Variants in SPACA3 observed in about 807,000 individuals in gnomAD.
The protein encoded by SPACA3 is sperm acrosome membrane-associated protein 3.
SPACA3 carries 21 observed loss-of-function variants against 24.5 expected under a neutral mutation model. The ratio of observed to expected loss-of-function variants is 0.86; its 90% CI spans 0.61 to 1.24. The LOEUF (loss-of-function observed/expected upper bound fraction) is 1.24, where lower values mean the gene tolerates loss of function less well. Among genes scored for constraint, SPACA3 ranks in the 50% most tolerant of loss-of-function variants. The pLI is 0.00. For synonymous variants in SPACA3, 115 were observed against 106.9 expected, an observed-to-expected ratio of 1.08 and a Z score of -0.47; for missense variants, 278 against 275.5, an observed-to-expected ratio of 1.01 and a Z score of -0.06.
At chr17:32,996,697 C>A in intron 2 of SPACA3, 146 bp from the exon 3 acceptor site, 10 of 720,268 alleles carry the variant, frequency 1.4e-5, no homozygotes, top group Non-Finnish European at 1.8e-5. Flanking sequence ...GATTGGTTTG[C>A]AAAGCAGGTG....
chr17:32,994,317 T>C (rs887141083), intron 1 of SPACA3, among the ~76,000 whole-genome samples: 6 of 152,140 alleles, frequency 3.9e-5, no homozygotes, highest in African/African-American at 1.4e-4. Flanking sequence ...ATGAGGCAGG[T>C]GTTACTCACG....
chr17:32,994,461 G>A (rs767787995), intron 1 of SPACA3, among the ~76,000 whole-genome samples: 3 of 152,162 alleles, frequency 2.0e-5, no homozygotes, highest in Non-Finnish European at 4.4e-5. Flanking sequence ...ATCCTCGGGG[G>A]CATTCAAGGT....
chr17:32,992,100 C>T (rs1284482229), intron 1 of SPACA3, 128 bp downstream of exon 1: 4 of 877,836 alleles, frequency 4.6e-6, no homozygotes, highest in Middle Eastern at 2.2e-4. Flanking sequence ...GAGTGACCAG[C>T]TGAGAGAGGA....
chr17:32,996,837 A>T lies in SPACA3; in HGVS notation c.344-6A>T. On this transcript the variant is annotated splice_polypyrimidine_tract_variant and splice_region_variant and intron_variant, in intron 2 of 4. Coordinates refer to ENST00000269053, the MANE Select transcript of SPACA3 (RefSeq NM_173847.5). ...GACCCCCAGGCCTATGCTCTGCCCT[A>T]TGCAGGGGTCTGCCTTGCTTATTTC... is the stretch of plus-strand genomic sequence containing the variant. 6.3e-7 allele frequency: 1 copy of T among 1,576,054 alleles called. No individual in the cohort carries two copies. The highest frequency in any genetic ancestry group is 1.4e-5 in the African/African-American group (1 of 74,034).
At chr17:32,992,818 G>C in intron 1 of SPACA3, 1 of 461,394 alleles carries the variant, frequency 2.2e-6, no homozygotes, top group South Asian at 1.6e-5. Flanking sequence ...TGGGCCGCAG[G>C]GCTGGGCTGT....
chr17:32,996,002 C>T (rs148110894), intron 2 of SPACA3, among the ~76,000 whole-genome samples: 49 of 152,286 alleles, frequency 3.2e-4, no homozygotes, highest in African/African-American at 1.1e-3. Flanking sequence ...TAACTATGGC[C>T]ACAAGGATCA....
chr17:32,993,693 G>A (rs1408598991), intron 1 of SPACA3, among the ~76,000 whole-genome samples: 3 of 151,988 alleles, frequency 2.0e-5, no homozygotes. Context: ...GGAGAAAGTG[G>A]CGATTTTCCC....
In SPACA3 at chr17:32,995,654, G is replaced by GA; in HGVS notation, c.282dup (p.Leu95ThrfsTer7). 1 of 1,614,242 alleles carries GA rather than the reference G, an allele frequency of 6.2e-7. No individual in the cohort carries two copies. Among genetic ancestry groups the GA allele is most frequent in the Middle Eastern group, 1.6e-4 (1 of 6,062 alleles). ...TGAGGCCAAGCTCTACGGTCGTTGT[G>GA]AACTGGCCAGAGTGCTACATGACTT... On this transcript the variant is annotated frameshift_variant, in exon 2 of 5. Transcript: ENST00000269053. LOFTEE classifies it high-confidence loss of function.
At chr17:32,993,073 G>A (rs1334787505) in intron 1 of SPACA3, 1 of 395,152 alleles carries the variant, frequency 2.5e-6, no homozygotes, top group Non-Finnish European at 5.1e-6. Flanking sequence ...GGGACTGATT[G>A]GTTGGAACTG....
rs780661706 is a variant in SPACA3 at position 32,995,661 on chromosome 17, C to G, written c.287C>G (p.Ala96Gly). 2.5e-6 allele frequency: 4 copies of G among 1,614,210 alleles called. No homozygotes were observed. In the Admixed American group the frequency reaches 6.7e-5, roughly 27 times the overall value. ...EAKLYGRCEL[A>G]RVLHDFGLDG... ...AAGCTCTACGGTCGTTGTGAACTGG[C>G]CAGAGTGCTACATGACTTCGGGCTG... The change falls in exon 2 of 5, where the codon GCC (alanine) becomes GGC (glycine). Residue 96 changes from alanine to glycine, a missense_variant. Coordinates refer to ENST00000269053, the MANE Select transcript of SPACA3 (RefSeq NM_173847.5).
At position 32,996,973 on chromosome 17, in the gene SPACA3, C is replaced by T; in HGVS notation, c.474C>T (p.Val158=). The T allele has an allele frequency of 6.3e-7, 1 of 1,582,762 alleles. No homozygotes were observed. The highest frequency in any genetic ancestry group is 8.6e-7 in the Non-Finnish European group (1 of 1,164,768). ...RRWCSNLTPN[V]PNVCRMYCSD... The stretch of plus-strand genomic sequence containing the variant: ...GGTGCAGCAACCTCACCCCGAACGT[C>T]CCCAACGTGTGCCGGATGTACTGCT... The change falls in exon 3 of 5, where the codon GTC becomes GTT. Residue 158 remains valine (V), a synonymous_variant. Coordinates refer to ENST00000269053, the MANE Select transcript of SPACA3 (RefSeq NM_173847.5).
chr17:32,992,551 T>C (rs1288466626), intron 1 of SPACA3, among the ~76,000 whole-genome samples: 1 of 152,168 alleles, frequency 6.6e-6, no homozygotes, highest in African/African-American at 2.4e-5. Context: ...TCTTCAGAAG[T>C]TAACTTTGTG....
Position 32,992,426 on chromosome 17 carries a change from C to A in SPACA3, c.34+454C>A, listed in dbSNP as rs115385666. On this transcript the variant is annotated intron_variant, in intron 1 of 4. Coordinates refer to ENST00000269053, the MANE Select transcript of SPACA3 (RefSeq NM_173847.5). The stretch of plus-strand genomic sequence containing the variant: ...CGCGGTGAGAAGAAGGTCTCATGTC[C>A]CTGTGGCCACGCCTTTTGTGGACTT... Among the ~76,000 whole-genome samples, 597 of 152,262 alleles carry A rather than the reference C, an allele frequency of 3.9e-3. 4 individuals carry two copies. The highest frequency in any genetic ancestry group is 0.014 in the African/African-American group (584 of 41,554).
At chr17:32,996,482 CCGTCTCAAAAAAA>C (rs2091722447) in intron 2 of SPACA3, among the ~76,000 whole-genome samples, 1 of 129,746 alleles carries the variant, frequency 7.7e-6, no homozygotes, top group African/African-American at 3.2e-5. Context: ...GAGTGAGACT[CCGTCTCAAAAAAA>C]AAAAAAAAAA....
At chr17:32,994,565 T>C (rs2091710714) in intron 1 of SPACA3, among the ~76,000 whole-genome samples, 1 of 151,958 alleles carries the variant, frequency 6.6e-6, no homozygotes, top group Admixed American at 6.6e-5. Flanking sequence ...GGAGAGCAGG[T>C]GTGGAGGCGC....
chr17:32,997,766 C>T lies in SPACA3; in HGVS notation c.636C>T (p.Gly212=). The T allele has an allele frequency of 6.2e-7, 1 of 1,614,212 alleles. No individual in the cohort carries two copies. Among genetic ancestry groups the T allele is most frequent in the Non-Finnish European group, 8.5e-7 (1 of 1,180,030 alleles). ...QGKDLTEWVD[G]CDF ...AAGACCTCACTGAATGGGTGGATGG[C>T]TGTGACTTCTAGGATGGACGGAACC... Residue 212 remains glycine, a synonymous_variant, in exon 5 of 5, where the codon GGC becomes GGT. Coordinates refer to ENST00000269053, the MANE Select transcript of SPACA3 (RefSeq NM_173847.5).
At chr17:32,992,714 T>C (rs772991570) in intron 1 of SPACA3, 4 of 367,180 alleles carry the variant, frequency 1.1e-5, no homozygotes, top group South Asian at 4.1e-5. Flanking sequence ...GAGTTAACCA[T>C]GTAGAGGAAA....
rs756790181 is a variant in SPACA3, at chr17:32,995,724, A to C, written c.343+7A>C. Reference sequence around the variant, plus strand: ...GGATACAGCCTGGCTGACTGTGAGAACCCCTCTCCCTGGCGGGCCCTGACT... The same window carrying C: ...GGATACAGCCTGGCTGACTGTGAGACCCCCTCTCCCTGGCGGGCCCTGACT... On this transcript the variant is annotated splice_region_variant and intron_variant, in intron 2 of 4. Coordinates refer to ENST00000269053, the MANE Select transcript of SPACA3 (RefSeq NM_173847.5). 3.7e-6 allele frequency: 6 copies of C among 1,602,020 alleles called. No individual in the cohort carries two copies. In the Admixed American group the frequency reaches 8.4e-5, roughly 22 times the overall value.
intron 2 of SPACA3, 100 bp from the exon 3 acceptor site, chr17:32,996,743 A>G: frequency 7.7e-7 from 1 of 1,297,550 alleles, no homozygotes; most frequent in Middle Eastern, 2.0e-4. Flanking sequence ...ATCAGGCAGG[A>G]GAGGCTCGGT....
Sources: gnomAD v4.1 joint callset for allele counts (sites outside exome capture counted in the v4.1 genomes callset) on GRCh38, gnomAD v4.1.1 for gene constraint, MANE v1.5 for transcripts, NCBI Gene and HGNC (gene_info 2026-07-23, HGNC 2026-07-21) for gene names.